NFAT5: variants seen among roughly 807,000 people sequenced by gnomAD.
NFAT5 encodes the protein nuclear factor of activated T cells 5.
Under a neutral mutation model 166.5 loss-of-function variants are expected in NFAT5, and 31 were observed. The observed-to-expected ratio is 0.19, with a 90% CI of 0.14 to 0.25. The LOEUF (loss-of-function observed/expected upper bound fraction) is 0.25, where lower values mean the gene tolerates loss of function less well. NFAT5 is among the 10% of genes least tolerant of loss of function. The pLI is 1.00. For missense variants in NFAT5, 1,449 were observed against 1,821.8 expected (o/e 0.80, Z 3.72); for synonymous variants, 612 against 639.7 (o/e 0.96, Z 0.65).
intron 2 of NFAT5, among the ~76,000 whole-genome samples, chr16:69,569,130 T>TA (rs534467151): frequency 1.2e-4 from 18 of 152,290 alleles, no homozygotes; most frequent in African/African-American, 4.3e-4. Flanking sequence ...AGCTTACACT[T>TA]ACTTTAGAAA....
At position 69,648,726 on chromosome 16, in the gene NFAT5, ACT is replaced by A. The variant is rs1263105138; in HGVS notation, c.812+1145_812+1146del. 9 of 975,310 alleles carry A rather than the reference ACT, an allele frequency of 9.2e-6. No homozygotes were observed. The East Asian group carries it at 9.1e-4, about 99-fold the overall frequency. The allele number at this position is 975,310 out of a possible 1,614,324, so 60.4% of individuals were successfully genotyped here. On this transcript the variant is annotated intron_variant, in intron 4 of 14. Coordinates refer to ENST00000349945, the MANE Select transcript of NFAT5 (RefSeq NM_138713.4). Reference sequence around the variant, plus strand: ...ATTCAAAATAATTTGTTAAAATTTAACTCTCTAGGACCCAGGATCTCCTACAA... The same window carrying A: ...ATTCAAAATAATTTGTTAAAATTTAACTCTAGGACCCAGGATCTCCTACAA...
chr16:69,594,347 G>A (rs183243534), intron 2 of NFAT5, among the ~76,000 whole-genome samples: 33 of 152,282 alleles, frequency 2.2e-4, no homozygotes, highest in African/African-American at 6.7e-4. Flanking sequence ...CTGAACAGAC[G>A]AGGTAACACG....
chr16:69,686,295 G>A (rs2151706201), intron 11 of NFAT5, among the ~76,000 whole-genome samples: 1 of 152,200 alleles, frequency 6.6e-6, no homozygotes, highest in Middle Eastern at 3.4e-3. Flanking sequence ...GGAGGCTACA[G>A]TGAGCCAAGA....
At chr16:69,590,462 G>C (rs889188921) in intron 2 of NFAT5, among the ~76,000 whole-genome samples, 1 of 152,088 alleles carries the variant, frequency 6.6e-6, no homozygotes, top group African/African-American at 2.4e-5. Flanking sequence ...TTCTTTCTTT[G>C]TATTTGTATT....
chr16:69,588,887 A>G (rs1475261202), intron 2 of NFAT5, among the ~76,000 whole-genome samples: 1 of 150,334 alleles, frequency 6.7e-6, no homozygotes. Flanking sequence ...AATGATTTGA[A>G]TGTTTACCAC....
chr16:69,636,316 G>A (rs1017497113), intron 3 of NFAT5, among the ~76,000 whole-genome samples: 3 of 152,304 alleles, frequency 2.0e-5, no homozygotes, highest in East Asian at 1.9e-4. Flanking sequence ...TTGAGTGGCT[G>A]CAGCTTTTCT....
chr16:69,568,395 C>CACACACACACAT (rs2016239470), intron 1 of NFAT5, 100 bp from the exon 2 acceptor site: 1 of 357,950 alleles, frequency 2.8e-6, no homozygotes, highest in African/African-American at 3.4e-5. Flanking sequence ...TATATATATA[C>CACACACACACAT]ACACACACAC....
chr16:69,668,211 C>T (rs1196872010), intron 7 of NFAT5, among the ~76,000 whole-genome samples: 1 of 152,146 alleles, frequency 6.6e-6, no homozygotes, highest in East Asian at 1.9e-4. Context: ...CCTCCTCGAA[C>T]TCCTGACCTC....
intron 2 of NFAT5, among the ~76,000 whole-genome samples, chr16:69,618,462 A>G (rs1027320781): frequency 2.6e-5 from 4 of 152,160 alleles, no homozygotes; most frequent in African/African-American, 9.7e-5. Context: ...CAGCCAGTAC[A>G]TTTTTTCCAG....
At chr16:69,680,342 A>T (rs889866831) in intron 10 of NFAT5, among the ~76,000 whole-genome samples, 2 of 152,172 alleles carry the variant, frequency 1.3e-5, no homozygotes, top group African/African-American at 4.8e-5. Flanking sequence ...TATCCTGAAA[A>T]CACTGAGATT....
intron 2 of NFAT5, among the ~76,000 whole-genome samples, chr16:69,604,462 G>C (rs1426037418): frequency 6.6e-6 from 1 of 152,118 alleles, no homozygotes; most frequent in Non-Finnish European, 1.5e-5. Context: ...TCATCACCAA[G>C]GTACTAGACC....
At chr16:69,567,501 T>C (rs1355142204) in intron 1 of NFAT5, among the ~76,000 whole-genome samples, 1 of 152,232 alleles carries the variant, frequency 6.6e-6, no homozygotes, top group Non-Finnish European at 1.5e-5. Flanking sequence ...CTTCTGCTTT[T>C]GGTTTGATGT....
Position 69,702,932 on chromosome 16 carries a change from C to G in NFAT5, c.*6581C>G, listed in dbSNP as rs920526354. On this transcript the variant is annotated 3_prime_UTR_variant, in exon 15 of 15. Transcript: ENST00000349945. ...TCAGTTAATTTAGTTTGGCATTTTCCTACCACTTACTAAAAGGTTTACATT... is the reference window on the plus strand; with the variant it reads ...TCAGTTAATTTAGTTTGGCATTTTCGTACCACTTACTAAAAGGTTTACATT... The G allele has an allele frequency of 1.3e-5, 2 of 152,560 alleles. No homozygotes were observed. The highest frequency in any genetic ancestry group is 4.8e-5 in the African/African-American group (2 of 41,426). The allele number at this position is 152,560 out of a possible 1,614,324, so 9.5% of individuals were successfully genotyped here.
At chr16:69,668,742 G>A (rs749625101) in intron 7 of NFAT5, among the ~76,000 whole-genome samples, 1 of 151,790 alleles carries the variant, frequency 6.6e-6, no homozygotes, top group Non-Finnish European at 1.5e-5. Context: ...GCAGTGGCAC[G>A]ATCTTGGCTC....
At chr16:69,616,721 A>G (rs536100751) in intron 2 of NFAT5, among the ~76,000 whole-genome samples, 2 of 151,788 alleles carry the variant, frequency 1.3e-5, no homozygotes, top group Non-Finnish European at 2.9e-5. Context: ...AGGCTGTCCT[A>G]TATAGATACT....
chr16:69,616,565 C>G (rs909381997), intron 2 of NFAT5, among the ~76,000 whole-genome samples: 5 of 152,118 alleles, frequency 3.3e-5, no homozygotes, highest in African/African-American at 1.2e-4. Flanking sequence ...CCACCCTAGG[C>G]AGACCCCCTG....
rs2037864520 is a variant in NFAT5 at position 69,699,808 on chromosome 16, ATCTCTT to A, written c.*3463_*3468del. The A allele has an allele frequency of 6.7e-6, 1 of 149,746 alleles. No individual in the cohort carries two copies. The highest frequency in any genetic ancestry group is 2.2e-4 in the South Asian group (1 of 4,614). 9.3% of individuals were successfully genotyped at this position (149,746 alleles called of 1,614,324 possible). On this transcript the variant is annotated 3_prime_UTR_variant, in exon 15 of 15. Transcript: ENST00000349945. ...CAACTCACATTAATGCTTGGAGCTTATCTCTTTCTCTCTCTCTCTCTCTCTCTCTGT... is the reference window on the plus strand; with the variant it reads ...CAACTCACATTAATGCTTGGAGCTTATCTCTCTCTCTCTCTCTCTCTCTGT...
chr16:69,635,079 C>T (rs975091967), intron 3 of NFAT5, among the ~76,000 whole-genome samples: 2 of 134,774 alleles, frequency 1.5e-5, no homozygotes, highest in African/African-American at 5.7e-5. Context: ...GGTGCGATCT[C>T]AGCTCACTGA....
chr16:69,616,925 T>C (rs1344767721), intron 2 of NFAT5, among the ~76,000 whole-genome samples: 1 of 150,550 alleles, frequency 6.6e-6, no homozygotes, highest in Non-Finnish European at 1.5e-5. Context: ...TTGGACTCCA[T>C]CTGAGTCCAA....
Sources: allele counts gnomAD v4.1 joint callset (sites outside exome capture counted in the v4.1 genomes callset), GRCh38; gene constraint gnomAD v4.1.1; transcripts MANE v1.5; gene names NCBI Gene and HGNC (gene_info 2026-07-23, HGNC 2026-07-21).